The following TOX3 variants were observed in gnomAD, a reference collection of about 807,000 sequenced individuals.
TOX3 encodes the protein CAG trinucleotide repeat-containing gene F9 protein.
TOX3 carries 22 observed loss-of-function variants against 64.3 expected under a neutral mutation model. The ratio of observed to expected loss-of-function variants is 0.34; its 90% CI spans 0.24 to 0.49. TOX3 has a LOEUF of 0.49. Ranked by LOEUF, TOX3 falls within the 20% of genes least tolerant of loss-of-function variation. TOX3 has a pLI of 0.99. For missense variants in TOX3, 661 were observed against 714.4 expected (o/e 0.93, Z 0.85); for synonymous variants, 291 against 273.6 (o/e 1.06, Z -0.63).
intron 1 of TOX3, among the ~76,000 whole-genome samples, chr16:52,504,909 A>G (rs1171578150): frequency 6.6e-6 from 1 of 152,124 alleles, no homozygotes; most frequent in African/African-American, 2.4e-5. Context: ...ATCTTGGCTC[A>G]CTGCAACCTC....
chr16:52,531,543 A>C (rs1962851489), intron 1 of TOX3, among the ~76,000 whole-genome samples: 1 of 152,250 alleles, frequency 6.6e-6, no homozygotes, highest in South Asian at 2.1e-4. Flanking sequence ...TTAAAAGTTT[A>C]ATAGCTATGC....
At chr16:52,530,341 CTTT>C (rs10538952) in intron 1 of TOX3, among the ~76,000 whole-genome samples, 30 of 147,060 alleles carry the variant, frequency 2.0e-4, no homozygotes, top group Admixed American at 2.7e-4. Flanking sequence ...CCCCACCCCA[CTTT>C]TTTTTTTTTT....
At chr16:52,453,774 ACAC>A (rs1960432785) in intron 3 of TOX3, among the ~76,000 whole-genome samples, 1 of 151,668 alleles carries the variant, frequency 6.6e-6, no homozygotes, top group African/African-American at 2.4e-5. Context: ...TCATGGCCAA[ACAC>A]AAGCATGTCT....
chr16:52,486,091 G>A (rs958951372), intron 1 of TOX3, among the ~76,000 whole-genome samples: 1 of 152,182 alleles, frequency 6.6e-6, no homozygotes, highest in African/African-American at 2.4e-5. Context: ...ACCTTTTCAT[G>A]TGAGACTCTT....
At chr16:52,522,058 T>G (rs760956460) in intron 1 of TOX3, among the ~76,000 whole-genome samples, 7 of 152,224 alleles carry the variant, frequency 4.6e-5, no homozygotes, top group Non-Finnish European at 8.8e-5. Flanking sequence ...CGTGGAGGAT[T>G]AAATTTATTA....
chr16:52,462,463 A>G (rs886615329), intron 3 of TOX3, among the ~76,000 whole-genome samples: 1 of 152,094 alleles, frequency 6.6e-6, no homozygotes, highest in Admixed American at 6.5e-5. Flanking sequence ...GCTTTAAGGC[A>G]AGGTAATTCA....
intron 6 of TOX3, among the ~76,000 whole-genome samples, chr16:52,442,274 G>A (rs772145889): frequency 5.3e-5 from 8 of 152,280 alleles, no homozygotes; most frequent in Non-Finnish European, 8.8e-5. Context: ...GAGGCTCTGC[G>A]TGCAGAGGCA....
chr16:52,507,691 C>T (rs2151469046), intron 1 of TOX3, among the ~76,000 whole-genome samples: 1 of 152,236 alleles, frequency 6.6e-6, no homozygotes, highest in South Asian at 2.1e-4. Flanking sequence ...ATTAATAGAG[C>T]AAAGGAATAC....
At chr16:52,494,604 C>A (rs373301829) in intron 1 of TOX3, among the ~76,000 whole-genome samples, 61 of 152,302 alleles carry the variant, frequency 4.0e-4, no homozygotes, top group African/African-American at 1.3e-3. Flanking sequence ...TTACTCTGTG[C>A]CCCTCTTGTC....
chr16:52,493,733 AC>A (rs1480378059), intron 1 of TOX3, among the ~76,000 whole-genome samples: 1 of 152,110 alleles, frequency 6.6e-6, no homozygotes, highest in Non-Finnish European at 1.5e-5. Flanking sequence ...CTTTGCTTCC[AC>A]CTCTTGAAAT....
Position 52,546,769 on chromosome 16 carries a change from G to C in TOX3, c.-46C>G. ...CGGGGGCCGGGACTGGGGTTCGCCG[G>C]GGCCGGGACCCGCCTCCTCGCCGCC... On this transcript the variant is annotated 5_prime_UTR_variant, in exon 1 of 7. Coordinates refer to ENST00000219746, the MANE Select transcript of TOX3 (RefSeq NM_001080430.4). 6.9e-7 allele frequency: 1 copy of C among 1,455,076 alleles called. No individual in the cohort carries two copies. 90.1% of individuals were successfully genotyped at this position (1,455,076 alleles called of 1,614,324 possible).
At chr16:52,473,452 T>C (rs1961107655) in intron 1 of TOX3, among the ~76,000 whole-genome samples, 1 of 152,238 alleles carries the variant, frequency 6.6e-6, no homozygotes, top group Admixed American at 6.5e-5. Flanking sequence ...TGCCTCACTA[T>C]GGACATCTGT....
intron 1 of TOX3, among the ~76,000 whole-genome samples, chr16:52,534,436 A>G (rs1962909187): frequency 6.6e-6 from 1 of 152,094 alleles, no homozygotes; most frequent in Admixed American, 6.6e-5. Flanking sequence ...CCAGGAGTTC[A>G]AGACCAGTCT....
At chr16:52,484,990 C>A (rs1400205023) in intron 1 of TOX3, among the ~76,000 whole-genome samples, 1 of 151,132 alleles carries the variant, frequency 6.6e-6, no homozygotes, top group Non-Finnish European at 1.5e-5. Flanking sequence ...ATGGAACCAA[C>A]CTAAGTACAT....
intron 6 of TOX3, among the ~76,000 whole-genome samples, chr16:52,440,443 G>A (rs989782831): frequency 1.3e-5 from 2 of 152,172 alleles, no homozygotes; most frequent in African/African-American, 2.4e-5. Context: ...CAGCTAACTG[G>A]CACTCTCTGA....
chr16:52,450,489 A>G lies in TOX3; in HGVS notation c.466T>C (p.Ser156Pro), dbSNP rs772779923. The change falls in exon 4 of 7, where the codon TCC (serine) becomes CCC (proline). Residue 156 changes from serine (S) to proline (P), a missense_variant. This residue lies in a region of TOX3 where 259 missense variants were observed against 261.2 expected (regional missense o/e 0.99). Coordinates refer to ENST00000219746, the MANE Select transcript of TOX3 (RefSeq NM_001080430.4). Reference sequence around the variant, plus strand: ...GCAGCATCGGTCATGTGGACGATGGACCGCATGATCAGGGAGGGATCCTGC... The same window carrying G: ...GCAGCATCGGTCATGTGGACGATGGGCCGCATGATCAGGGAGGGATCCTGC... Reference protein sequence around the residue: ...YRQDPSLIMRSIVHMTDAARS... With the variant: ...YRQDPSLIMRPIVHMTDAARS... 3.7e-5 allele frequency: 60 copies of G among 1,613,912 alleles called. No homozygotes were observed. In the Admixed American group the frequency reaches 9.8e-4, roughly 26 times the overall value.
intron 1 of TOX3, chr16:52,519,524 C>CT: frequency 6.5e-7 from 1 of 1,545,636 alleles, no homozygotes. Context: ...TCTCTACCCT[C>CT]TTCTGACTCT....
At position 52,444,284 on chromosome 16, in the gene TOX3, C is replaced by T. The variant is rs370721262; in HGVS notation, c.979G>A (p.Val327Ile). The T allele has an allele frequency of 1.5e-5, 23 of 1,575,740 alleles. No individual in the cohort carries two copies. Among genetic ancestry groups the T allele is most frequent in the Admixed American group, 5.3e-5 (3 of 56,662 alleles). The change falls in exon 6 of 7, where the codon GTT (valine) becomes ATT (isoleucine). Residue 327 changes from valine to isoleucine, a missense_variant. Physicochemically the swap from Val to Ile is conservative, Grantham distance 29 (BLOSUM62 3). This residue lies in a region of TOX3 where 103 missense variants were observed against 161.2 expected (regional missense o/e 0.64). Coordinates refer to ENST00000219746, the MANE Select transcript of TOX3 (RefSeq NM_001080430.4). ...CCCCTGCCCAGGTTTACCTTAGAAA[C>T]GAGGCTGGCCCTGTATGCCGCCAGG... Reference protein sequence around the residue: ...KALAAYRASLVSKAAAESAEA... With the variant: ...KALAAYRASLISKAAAESAEA...
At chr16:52,443,345 T>C (rs1960062111) in intron 6 of TOX3, among the ~76,000 whole-genome samples, 1 of 152,204 alleles carries the variant, frequency 6.6e-6, no homozygotes, top group Admixed American at 6.5e-5. Flanking sequence ...AGTGTCCTAA[T>C]AGCTGTCAGC....
Sources: gnomAD v4.1 joint callset for allele counts (sites outside exome capture counted in the v4.1 genomes callset) on GRCh38, gnomAD v4.1.1 for gene constraint, gnomAD v4.1.1 regional missense constraint, MANE v1.5 for transcripts, NCBI Gene and HGNC (gene_info 2026-07-23, HGNC 2026-07-21) for gene names.